The following CLCN3 variants were observed in gnomAD, a reference collection of about 807,000 sequenced individuals.
CLCN3 encodes the protein H(+)/Cl(-) exchange transporter 3.
CLCN3 carries 16 observed loss-of-function variants against 83.4 expected under a neutral mutation model. The ratio of observed to expected loss-of-function variants is 0.19; its 90% CI spans 0.13 to 0.29. The LOEUF is 0.29. Among genes scored for constraint, CLCN3 ranks in the 10% least tolerant of loss-of-function variants. The pLI, the probability that CLCN3 is intolerant of heterozygous loss-of-function variation, is 1.00. For missense variants in CLCN3, 544 were observed against 1,006.0 expected, an observed-to-expected ratio of 0.54 and a Z score of 6.21; for synonymous variants, 322 against 346.2, an observed-to-expected ratio of 0.93 and a Z score of 0.78.
rs1368319618 is a variant in CLCN3, at chr4:169,706,885, A to G, written c.1768A>G (p.Thr590Ala). The G allele has an allele frequency of 6.2e-7, 1 of 1,610,856 alleles. No homozygotes were observed. The highest frequency in any genetic ancestry group is 8.5e-7 in the Non-Finnish European group (1 of 1,177,410). The part of the protein sequence containing the change: ...AACLGGVTRM[T>A]VSLVVIVFEL... The stretch of plus-strand genomic sequence containing the variant: ...TTTTTCAGGTGGTGTGACAAGAATG[A>G]CTGTCTCCCTGGTGGTTATTGTTTT... Residue 590 changes from threonine (T) to alanine (A), a missense_variant, in exon 11 of 13, where the codon ACT becomes GCT. Transcript: ENST00000513761.
At chr4:169,687,556 A>T in intron 3 of CLCN3, 102 bp from the exon 4 acceptor site, 1 of 661,386 alleles carries the variant, frequency 1.5e-6, no homozygotes, top group South Asian at 2.4e-5. Context: ...TAGTTCTGAA[A>T]TTACTGTTCT....
intron 2 of CLCN3, among the ~76,000 whole-genome samples, chr4:169,671,096 G>C (rs1322941397): frequency 6.6e-6 from 1 of 152,044 alleles, no homozygotes. Flanking sequence ...CCCATTACTG[G>C]GTGTATACCC....
At chr4:169,688,919 A>C (rs375668198) in intron 4 of CLCN3, 124 bp from the exon 5 acceptor site, 29 of 667,766 alleles carry the variant, frequency 4.3e-5, no homozygotes, top group Admixed American at 1.4e-4. Flanking sequence ...TTAAATTTAT[A>C]TGTAGTTCAT....
intron 2 of CLCN3, among the ~76,000 whole-genome samples, chr4:169,675,314 C>G (rs564451715): frequency 1.4e-4 from 21 of 152,148 alleles, no homozygotes; most frequent in Non-Finnish European, 2.8e-4. Flanking sequence ...ATCTCTTGAT[C>G]TAGTCTAAGA....
At chr4:169,628,348 C>A (rs1164448119) in intron 1 of CLCN3, among the ~76,000 whole-genome samples, 1 of 152,092 alleles carries the variant, frequency 6.6e-6, no homozygotes, top group East Asian at 1.9e-4. Flanking sequence ...CTGTTATAGA[C>A]CCTGTTAAAA....
chr4:169,718,930 T>G (rs1396782849), intron 12 of CLCN3, among the ~76,000 whole-genome samples: 1 of 152,214 alleles, frequency 6.6e-6, no homozygotes, highest in African/African-American at 2.4e-5. Context: ...AACTAAGACT[T>G]TCATAAAAGC....
intron 2 of CLCN3, among the ~76,000 whole-genome samples, chr4:169,657,744 G>A (rs1403804168): frequency 6.6e-6 from 1 of 152,108 alleles, no homozygotes; most frequent in Admixed American, 6.6e-5. Flanking sequence ...GGCTTCATGT[G>A]TGCTACTTGT....
intron 2 of CLCN3, among the ~76,000 whole-genome samples, chr4:169,645,850 T>C (rs1346735790): frequency 6.6e-6 from 1 of 152,212 alleles, no homozygotes; most frequent in African/African-American, 2.4e-5. Context: ...AAACTGGGTG[T>C]TGCTTCTATT....
At chr4:169,679,782 C>T (rs113871855) in intron 2 of CLCN3, among the ~76,000 whole-genome samples, 9 of 152,126 alleles carry the variant, frequency 5.9e-5, no homozygotes, top group African/African-American at 1.4e-4. Context: ...CCCAGGCACT[C>T]GGCAGGCTGA....
At chr4:169,689,839 T>C (rs1732296667) in intron 5 of CLCN3, among the ~76,000 whole-genome samples, 1 of 152,220 alleles carries the variant, frequency 6.6e-6, no homozygotes, top group Non-Finnish European at 1.5e-5. Flanking sequence ...TCACCTGGCT[T>C]AATTGAATTG....
chr4:169,676,161 G>T (rs776836887), intron 2 of CLCN3, among the ~76,000 whole-genome samples: 91 of 152,110 alleles, frequency 6.0e-4, no homozygotes, highest in Middle Eastern at 3.4e-3. Flanking sequence ...TCTACACCTG[G>T]CCCTTTTTTA....
At chr4:169,654,212 C>G (rs1409358668) in intron 2 of CLCN3, among the ~76,000 whole-genome samples, 2 of 151,902 alleles carry the variant, frequency 1.3e-5, no homozygotes, top group Non-Finnish European at 2.9e-5. Context: ...CGTCTCCTTT[C>G]CTTTCTCCTA....
chr4:169,633,643 A>T (rs1773436297), intron 1 of CLCN3, among the ~76,000 whole-genome samples: 1 of 152,252 alleles, frequency 6.6e-6, no homozygotes, highest in South Asian at 2.1e-4. Context: ...AATGCAAGCC[A>T]CATAGGTAAT....
chr4:169,655,075 T>C (rs1353759831), intron 2 of CLCN3, among the ~76,000 whole-genome samples: 2 of 152,208 alleles, frequency 1.3e-5, no homozygotes. Flanking sequence ...TAAATAACTC[T>C]ATTTCTAATT....
Position 169,713,169 on chromosome 4 carries a change from G to A in CLCN3, c.2240G>A (p.Arg747Gln), listed in dbSNP as rs1447149355. Residue 747 changes from arginine (R) to glutamine (Q), a missense_variant, in exon 12 of 13, where the codon CGG (arginine) becomes CAG (glutamine). Physicochemically the swap from Arg to Gln is conservative, Grantham distance 43. Around this residue, in one of 6 missense-constraint regions of CLCN3, gnomAD observed 142 missense variants for 225.0 expected, o/e 0.63. Transcript: ENST00000513761. ...CCATCTCTTCCAGCAGAAAGTCCTC[G>A]GCCATTGAAGCTTCGAAGCATTCTT... ...HTPSLPAESP[R>Q]PLKLRSILDM... The A allele has an allele frequency of 5.6e-6, 9 of 1,613,966 alleles. No individual in the cohort carries two copies. Among genetic ancestry groups the A allele is most frequent in the African/African-American group, 1.3e-5 (1 of 74,896 alleles).
intron 2 of CLCN3, among the ~76,000 whole-genome samples, chr4:169,647,940 C>G (rs973586019): frequency 2.0e-5 from 3 of 152,164 alleles, no homozygotes; most frequent in Non-Finnish European, 4.4e-5. Flanking sequence ...TGATATGTGA[C>G]AAGAAGAGCA....
chr4:169,704,043 G>A lies in CLCN3; in HGVS notation c.1609G>A (p.Ala537Thr), dbSNP rs1279604221. The A allele has an allele frequency of 5.6e-6, 9 of 1,613,980 alleles. No individual in the cohort carries two copies. Among genetic ancestry groups the A allele is most frequent in the African/African-American group, 2.7e-5 (2 of 74,916 alleles). Reference protein sequence around the residue: ...FIPSMAIGAIAGRIVGIAVEQ... With the variant: ...FIPSMAIGAITGRIVGIAVEQ... ...CCCCAGCATGGCCATTGGAGCGATCGCAGGAAGGATTGTGGGGATTGCGGT... is the reference window on the plus strand; with the variant it reads ...CCCCAGCATGGCCATTGGAGCGATCACAGGAAGGATTGTGGGGATTGCGGT... The change falls in exon 10 of 13, where the codon GCA (alanine) becomes ACA (threonine). Residue 537 changes from alanine (A) to threonine (T), a missense_variant. By Grantham distance (58) the Ala-to-Thr change is moderately conservative (BLOSUM62 0). This residue lies in a region of CLCN3 where 194 missense variants were observed against 341.4 expected (regional missense o/e 0.57). Transcript: ENST00000513761.
chr4:169,692,603 C>G (rs964016223), intron 7 of CLCN3, among the ~76,000 whole-genome samples: 1 of 152,166 alleles, frequency 6.6e-6, no homozygotes, highest in Non-Finnish European at 1.5e-5. Flanking sequence ...CTTTACCTTA[C>G]ATCTTTCCTC....
intron 2 of CLCN3, among the ~76,000 whole-genome samples, chr4:169,647,226 C>CA (rs1407268889): frequency 6.6e-6 from 1 of 151,912 alleles, no homozygotes; most frequent in East Asian, 1.9e-4. Flanking sequence ...CCTGTCTCTA[C>CA]AAAAAATAGA....
Sources: allele counts gnomAD v4.1 joint callset (sites outside exome capture counted in the v4.1 genomes callset), GRCh38; gene constraint gnomAD v4.1.1; regional missense constraint gnomAD v4.1.1; transcripts MANE v1.5; gene names NCBI Gene and HGNC (gene_info 2026-07-23, HGNC 2026-07-21).